The following CDC5L variants were observed in gnomAD, a reference collection of about 807,000 sequenced individuals.
CDC5L encodes the protein cell division cycle 5 like.
CDC5L carries 18 observed loss-of-function variants against 104.1 expected under a neutral mutation model. The ratio of observed to expected loss-of-function variants is 0.17; its 90% CI spans 0.12 to 0.26. The LOEUF (loss-of-function observed/expected upper bound fraction) is 0.26, where lower values mean the gene tolerates loss of function less well. CDC5L is among the 10% of genes least tolerant of loss of function. The probability of loss-of-function intolerance (pLI) is 1.00; values close to 1 mark genes in which losing one functional copy is unlikely to be tolerated. For missense variants in CDC5L, 673 were observed against 956.9 expected (o/e 0.70, Z 3.91); for synonymous variants, 331 against 322.7 (o/e 1.03, Z -0.28).
chr6:44,397,559 G>A (rs1790928101), intron 5 of CDC5L, among the ~76,000 whole-genome samples: 1 of 152,178 alleles, frequency 6.6e-6, no homozygotes. Flanking sequence ...TATGTTGAGT[G>A]TGTTCTGTTG....
intron 8 of CDC5L, among the ~76,000 whole-genome samples, chr6:44,411,731 A>G (rs1336875229): frequency 1.3e-5 from 2 of 152,042 alleles, no homozygotes; most frequent in Admixed American, 6.5e-5. Context: ...GAAAGTTTAC[A>G]AAATTATGGC....
At chr6:44,434,153 A>G (rs940050818) in intron 14 of CDC5L, among the ~76,000 whole-genome samples, 4 of 152,194 alleles carry the variant, frequency 2.6e-5, no homozygotes, top group African/African-American at 7.2e-5. Flanking sequence ...AGACATCCTG[A>G]TACAACCAGG....
chr6:44,422,578 G>T, intron 9 of CDC5L, 69 bp from the exon 10 acceptor site: 3 of 960,700 alleles, frequency 3.1e-6, no homozygotes, highest in East Asian at 2.8e-5. Flanking sequence ...TAATTTATGT[G>T]AAAAACATTT....
At chr6:44,436,937 T>C (rs1322795066) in intron 14 of CDC5L, among the ~76,000 whole-genome samples, 2 of 152,202 alleles carry the variant, frequency 1.3e-5, no homozygotes, top group South Asian at 4.1e-4. Context: ...GATAGTGAAC[T>C]TCATTTTATT....
chr6:44,408,413 G>A (rs1224389095), intron 7 of CDC5L, 31 bp from the exon 8 acceptor site: 1 of 1,559,544 alleles, frequency 6.4e-7, no homozygotes, highest in East Asian at 2.3e-5. Flanking sequence ...CAGTTAAAAT[G>A]TTGCTTACTA....
At position 44,396,402 on chromosome 6, in the gene CDC5L, C is replaced by T. The variant is rs1790870217; in HGVS notation, c.501C>T (p.Ala167=). The T allele has an allele frequency of 6.2e-7, 1 of 1,612,116 alleles. No individual in the cohort carries two copies. The highest frequency in any genetic ancestry group is 8.5e-7 in the Non-Finnish European group (1 of 1,179,034). Residue 167 remains alanine (A), a synonymous_variant, in exon 5 of 16, where the codon GCC becomes GCT. Coordinates refer to ENST00000371477, the MANE Select transcript of CDC5L (RefSeq NM_001253.4). ...TGGCTAATACTCAGGGAAAGAAGGC[C>T]AAGAGGAAAGCAAGAGAGAAACAAT... ...ARLANTQGKK[A]KRKAREKQLE... is the part of the protein sequence containing the mutation.
chr6:44,403,671 T>G (rs1331577350), intron 5 of CDC5L, 138 bp from the exon 6 acceptor site: 1 of 629,432 alleles, frequency 1.6e-6, no homozygotes, highest in Non-Finnish European at 2.7e-6. Flanking sequence ...AGGATTTGTT[T>G]TGGTGAATGG....
intron 1 of CDC5L, 79 bp from the exon 2 acceptor site, chr6:44,390,189 C>G: frequency 3.7e-6 from 3 of 816,878 alleles, no homozygotes; most frequent in Non-Finnish European, 6.3e-6. Context: ...TCCAATAGCC[C>G]TATCAGAGTT....
At chr6:44,395,062 A>C (rs903922858) in intron 4 of CDC5L, among the ~76,000 whole-genome samples, 9 of 152,114 alleles carry the variant, frequency 5.9e-5, no homozygotes, top group African/African-American at 2.2e-4. Context: ...GGGAGCTAAA[A>C]GCGTTGATCT....
chr6:44,422,352 C>T (rs752412589), intron 9 of CDC5L, among the ~76,000 whole-genome samples: 2 of 152,098 alleles, frequency 1.3e-5, no homozygotes, highest in African/African-American at 4.8e-5. Context: ...TGTTCTTAGT[C>T]GCCCTAATGT....
chr6:44,389,775 T>G (rs1032622155), intron 1 of CDC5L, among the ~76,000 whole-genome samples: 1 of 152,166 alleles, frequency 6.6e-6, no homozygotes, highest in Non-Finnish European at 1.5e-5. Context: ...CCCAACTTGC[T>G]TCTTGAGGCC....
chr6:44,399,095 G>A (rs893206567), intron 5 of CDC5L, among the ~76,000 whole-genome samples: 6 of 152,248 alleles, frequency 3.9e-5, no homozygotes, highest in Admixed American at 2.6e-4. Flanking sequence ...TGGATCTACA[G>A]ATGCACACCA....
At chr6:44,443,871 A>G (rs925319922) in intron 14 of CDC5L, among the ~76,000 whole-genome samples, 4 of 141,522 alleles carry the variant, frequency 2.8e-5, no homozygotes, top group African/African-American at 7.9e-5. Context: ...TTTGGAATAT[A>G]TTTTCCTATT....
chr6:44,426,369 T>C, intron 12 of CDC5L, 113 bp from the exon 13 acceptor site: 1 of 807,170 alleles, frequency 1.2e-6, no homozygotes, highest in African/African-American at 1.7e-5. Flanking sequence ...AGGAAAAAAA[T>C]GGAAATTGCT....
intron 14 of CDC5L, among the ~76,000 whole-genome samples, chr6:44,443,742 C>T (rs1315049203): frequency 6.6e-6 from 1 of 151,556 alleles, no homozygotes; most frequent in Non-Finnish European, 1.5e-5. Context: ...TCTTGCATTG[C>T]TCTCTTGACC....
At chr6:44,397,859 G>C (rs1394643112) in intron 5 of CDC5L, among the ~76,000 whole-genome samples, 1 of 152,114 alleles carries the variant, frequency 6.6e-6, no homozygotes, top group Non-Finnish European at 1.5e-5. Context: ...TTTTGGTTAA[G>C]TCCATGATTG....
chr6:44,421,795 A>G (rs1464389398), intron 9 of CDC5L, among the ~76,000 whole-genome samples: 2 of 152,240 alleles, frequency 1.3e-5, no homozygotes, highest in Non-Finnish European at 2.9e-5. Context: ...ATATGCAAAT[A>G]CGATGCCGTT....
rs760614228 is a variant in CDC5L, at chr6:44,426,083, A to G, written c.1570-20A>G. ...AAATACGCTATAGCTGCAATAAAGG[A>G]TATAAAAATCATTTTTTAGGCCATA... On this transcript the variant is annotated intron_variant, in intron 11 of 15. Coordinates refer to ENST00000371477, the MANE Select transcript of CDC5L (RefSeq NM_001253.4). 2.6e-6 allele frequency: 4 copies of G among 1,534,036 alleles called. No homozygotes were observed. The highest frequency in any genetic ancestry group is 1.7e-5 in the Admixed American group (1 of 57,412).
At chr6:44,410,428 T>C (rs771491273) in intron 8 of CDC5L, among the ~76,000 whole-genome samples, 1 of 152,262 alleles carries the variant, frequency 6.6e-6, no homozygotes, top group Non-Finnish European at 1.5e-5. Flanking sequence ...ATTGTGTTTA[T>C]GTATCACATA....
Sources: gnomAD v4.1 joint callset for allele counts (sites outside exome capture counted in the v4.1 genomes callset) on GRCh38, gnomAD v4.1.1 for gene constraint, MANE v1.5 for transcripts, NCBI Gene and HGNC (gene_info 2026-07-23, HGNC 2026-07-21) for gene names.